AZI2: variants seen among roughly 807,000 people sequenced by gnomAD.
AZI2 encodes the protein 5-azacytidine induced 2.
A neutral mutation model predicts 45.8 loss-of-function variants in AZI2; 22 were observed. That is an observed-to-expected ratio of 0.48 (90% CI 0.34 to 0.69). The LOEUF is 0.69. Among genes scored for constraint, AZI2 ranks in the 30% least tolerant of loss-of-function variants. AZI2 has a pLI of 0.01. For synonymous variants in AZI2, 137 were observed against 156.7 expected, an observed-to-expected ratio of 0.87 and a Z score of 0.94; for missense variants, 417 against 441.5, an observed-to-expected ratio of 0.94 and a Z score of 0.50.
In AZI2 at chr3:28,323,052, A is replaced by G. The variant is rs901644533; in HGVS notation, c.*990T>C. The G allele has an allele frequency of 6.6e-6, 1 of 151,172 alleles. No individual in the cohort carries two copies. The highest frequency in any genetic ancestry group is 1.5e-5 in the Non-Finnish European group (1 of 67,376). 9.4% of individuals were successfully genotyped at this position (151,172 alleles called of 1,614,324 possible). On this transcript the variant is annotated 3_prime_UTR_variant, in exon 8 of 8. Transcript: ENST00000479665. ...GGACATTTCATGATCGACAATATCAATACAGCCCAAACCCTGATTTCTATG... is the reference window on the plus strand; with the variant it reads ...GGACATTTCATGATCGACAATATCAGTACAGCCCAAACCCTGATTTCTATG...
intron 6 of AZI2, among the ~76,000 whole-genome samples, chr3:28,327,535 C>T (rs1196880902): frequency 6.6e-6 from 1 of 150,880 alleles, no homozygotes; most frequent in Non-Finnish European, 1.5e-5. Context: ...CATGAAGAGC[C>T]AGATGATTTC....
Position 28,332,364 on chromosome 3 carries a change from C to T in AZI2, c.647+5G>A. 1 of 1,601,444 alleles carries T rather than the reference C, an allele frequency of 6.2e-7. No homozygotes were observed. Among genetic ancestry groups the T allele is most frequent in the Non-Finnish European group, 8.5e-7 (1 of 1,169,802 alleles). On this transcript the variant is annotated splice_donor_5th_base_variant and intron_variant, in intron 6 of 7. Transcript: ENST00000479665. ...TATTGTCTTAATGCTGAAGAGTGGT[C>T]ATACCTTGAAATGCTTAGTTTTTGG...
At chr3:28,340,209 A>G (rs1255042982) in intron 2 of AZI2, among the ~76,000 whole-genome samples, 193 bp downstream of exon 2, 2 of 152,016 alleles carry the variant, frequency 1.3e-5, no homozygotes, top group African/African-American at 4.8e-5. Flanking sequence ...ATCCTCTCCT[A>G]CAAATATTTA....
chr3:28,326,959 A>C lies in AZI2; in HGVS notation c.648-9T>G, dbSNP rs747142578. On this transcript the variant is annotated splice_polypyrimidine_tract_variant and intron_variant, in intron 6 of 7. Transcript: ENST00000479665. ...CATGCTGCATATTATCACTGAAATA[A>C]ATTTTTTTACAAAAAGTTAATACTC... is the stretch of plus-strand genomic sequence containing the variant. The C allele has an allele frequency of 5.2e-5, 82 of 1,585,734 alleles. No individual in the cohort carries two copies. The highest frequency in any genetic ancestry group is 9.5e-5 in the African/African-American group (7 of 73,684).
intron 5 of AZI2, 136 bp downstream of exon 5, chr3:28,336,601 A>AT: frequency 1.0e-6 from 1 of 989,898 alleles, no homozygotes; most frequent in South Asian, 2.4e-5. Flanking sequence ...ATAAACAAGA[A>AT]TTTTTTAAGG....
intron 5 of AZI2, among the ~76,000 whole-genome samples, 167 bp from the exon 6 acceptor site, chr3:28,332,594 ATAAC>A (rs1486193482): frequency 1.3e-5 from 2 of 151,776 alleles, no homozygotes; most frequent in Admixed American, 6.6e-5. Flanking sequence ...CCTCCAATCT[ATAAC>A]AAATATCTCT....
Position 28,340,630 on chromosome 3 carries a change from A to G in AZI2, c.-5-8T>C. On this transcript the variant is annotated splice_polypyrimidine_tract_variant and splice_region_variant and intron_variant, in intron 1 of 7. Transcript: ENST00000479665. ...CCAGTGCATCCATGACAACTGTTTA[A>G]AAGAAAAAAAATATGAGTGACAAAT... 6 of 1,570,844 alleles carry G rather than the reference A, an allele frequency of 3.8e-6. No homozygotes were observed. Among genetic ancestry groups the G allele is most frequent in the Non-Finnish European group, 5.2e-6 (6 of 1,158,678 alleles).
At position 28,322,587 on chromosome 3, in the gene AZI2, C is replaced by T. The variant is rs936225935; in HGVS notation, c.*1455G>A. The stretch of plus-strand genomic sequence containing the variant: ...TTTGTTATTACACAGGTAGTTGCTT[C>T]CTTCAGCTAAAGCCTGGAGTATTGT... On this transcript the variant is annotated 3_prime_UTR_variant, in exon 8 of 8. Coordinates refer to ENST00000479665, the MANE Select transcript of AZI2 (RefSeq NM_022461.5). 11 of 151,506 alleles carry T rather than the reference C, an allele frequency of 7.3e-5. No individual in the cohort carries two copies. The highest frequency in any genetic ancestry group is 2.7e-4 in the African/African-American group (11 of 41,282). The allele number at this position is 151,506 out of a possible 1,614,324, so 9.4% of individuals were successfully genotyped here.
intron 6 of AZI2, among the ~76,000 whole-genome samples, chr3:28,330,632 G>A (rs1250451176): frequency 6.6e-6 from 1 of 151,266 alleles, no homozygotes; most frequent in Non-Finnish European, 1.5e-5. Flanking sequence ...CATGATAAAA[G>A]TTGACCAACA....
chr3:28,326,692 G>C (rs1185016155), intron 7 of AZI2, 140 bp downstream of exon 7: 3 of 757,276 alleles, frequency 4.0e-6, no homozygotes, highest in South Asian at 1.4e-5. Context: ...CCAAAGCAGA[G>C]AATGGGTAGG....
intron 6 of AZI2, among the ~76,000 whole-genome samples, chr3:28,328,596 C>T (rs1037800643): frequency 4.0e-5 from 6 of 150,990 alleles, no homozygotes; most frequent in African/African-American, 1.5e-4. Flanking sequence ...CTTTTCAGTT[C>T]AATTTAATGA....
intron 1 of AZI2, among the ~76,000 whole-genome samples, chr3:28,342,524 C>T (rs1047799739): frequency 6.6e-6 from 1 of 151,938 alleles, no homozygotes; most frequent in Non-Finnish European, 1.5e-5. Flanking sequence ...AACTTTTCTT[C>T]CTCTAAAAGA....
chr3:28,346,944 CTCT>C (rs1170319430), intron 1 of AZI2, among the ~76,000 whole-genome samples: 3 of 151,850 alleles, frequency 2.0e-5, no homozygotes, highest in African/African-American at 7.3e-5. Context: ...ATTTTTATGA[CTCT>C]TGAGTTATCC....
At chr3:28,325,197 A>G (rs982379971) in intron 7 of AZI2, 3 of 150,702 alleles carry the variant, frequency 2.0e-5, no homozygotes, top group Non-Finnish European at 4.5e-5. Flanking sequence ...AAGACTACTT[A>G]AAAGCTATTA....
intron 5 of AZI2, among the ~76,000 whole-genome samples, chr3:28,335,985 C>T (rs1378760911): frequency 6.6e-6 from 1 of 152,064 alleles, no homozygotes; most frequent in East Asian, 1.9e-4. Flanking sequence ...TTAAAATCTG[C>T]ATTTGGTGCA....
chr3:28,327,290 ATTCT>A (rs1158683047), intron 6 of AZI2, among the ~76,000 whole-genome samples: 16 of 151,308 alleles, frequency 1.1e-4, no homozygotes, highest in African/African-American at 3.4e-4. Flanking sequence ...TAAGAAATAC[ATTCT>A]TTATTTGCAA....
rs1182539921 is a variant in AZI2, at chr3:28,327,239, TC to T, written c.648-290del. Among the ~76,000 whole-genome samples, 3 of 151,136 alleles carry T rather than the reference TC, an allele frequency of 2.0e-5. No homozygotes were observed. The South Asian group carries it at 6.2e-4, about 31-fold the overall frequency. On this transcript the variant is annotated intron_variant, in intron 6 of 7. Transcript: ENST00000479665. ...CTTGCAGAGTCTCAGAACTGAGATT[TC>T]ATTTTAGGCTGTAATGTGCAGCTAT...
At chr3:28,341,075 T>C (rs775746087) in intron 1 of AZI2, among the ~76,000 whole-genome samples, 24 of 152,022 alleles carry the variant, frequency 1.6e-4, no homozygotes, top group Non-Finnish European at 3.1e-4. Context: ...TGAGTATAAT[T>C]CATTACAACA....
chr3:28,330,193 TTC>T (rs1703522220), intron 6 of AZI2, among the ~76,000 whole-genome samples: 1 of 151,160 alleles, frequency 6.6e-6, no homozygotes, highest in South Asian at 2.1e-4. Context: ...TTGGTTAAAT[TTC>T]TGATAGGGCT....
Sources: gnomAD v4.1 joint callset for allele counts (sites outside exome capture counted in the v4.1 genomes callset) on GRCh38, gnomAD v4.1.1 for gene constraint, MANE v1.5 for transcripts, NCBI Gene and HGNC (gene_info 2026-07-23, HGNC 2026-07-21) for gene names.